Variants in STAC2 observed in about 807,000 individuals in gnomAD.
STAC2 encodes SH3 and cysteine-rich domain-containing protein 2.
STAC2 carries 36 observed loss-of-function variants against 49.0 expected under a neutral mutation model. The observed-to-expected ratio is 0.74, with a 90% CI of 0.56 to 0.97. STAC2 has a LOEUF of 0.97. Ranked by LOEUF, STAC2 falls within the 50% of genes least tolerant of loss-of-function variation. The probability of loss-of-function intolerance (pLI) is 0.00; values close to 1 mark genes in which losing one functional copy is unlikely to be tolerated. For synonymous variants in STAC2, 239 were observed against 214.7 expected (o/e 1.11, Z -0.99); for missense variants, 527 against 543.8 (o/e 0.97, Z 0.31).
intron 1 of STAC2, among the ~76,000 whole-genome samples, chr17:39,219,367 A>G (rs2046440183): frequency 6.6e-6 from 1 of 151,874 alleles, no homozygotes; most frequent in Admixed American, 6.6e-5. Context: ...TATCCTGCCA[A>G]TATGCTTCCA....
chr17:39,212,903 C>G, intron 10 of STAC2, 92 bp downstream of exon 10: 1 of 1,542,996 alleles, frequency 6.5e-7, no homozygotes, highest in Non-Finnish European at 8.7e-7. Flanking sequence ...TCAGCCTCCT[C>G]CTGCAGAGCA....
rs867305114 is a variant in STAC2, at chr17:39,211,858, G to A, written c.*434C>T. The stretch of plus-strand genomic sequence containing the variant: ...CCCACTTGCAAAGGAGCAGATGCAC[G>A]GTCACACACACATAGACCCAAGCAG... On this transcript the variant is annotated 3_prime_UTR_variant, in exon 11 of 11. Transcript: ENST00000333461. The A allele has an allele frequency of 1.0e-4, 16 of 155,188 alleles. No individual in the cohort carries two copies. The highest frequency in any genetic ancestry group is 1.6e-4 in the Non-Finnish European group (11 of 69,968). 9.6% of individuals were successfully genotyped at this position (155,188 alleles called of 1,614,324 possible).
chr17:39,216,490 T>A (rs1249277338), intron 4 of STAC2, among the ~76,000 whole-genome samples: 2 of 152,204 alleles, frequency 1.3e-5, no homozygotes, highest in African/African-American at 4.8e-5. Flanking sequence ...GTTGAAGGAA[T>A]GATGAGTGAA....
Position 39,215,192 on chromosome 17 carries a change from GCAGGGTCTCGTAGA to G in STAC2, c.611_624del (p.Val204AlafsTer19), listed in dbSNP as rs925839437. 4 of 1,613,898 alleles carry G rather than the reference GCAGGGTCTCGTAGA, an allele frequency of 2.5e-6. No homozygotes were observed. In the African/African-American group the frequency reaches 5.3e-5, roughly 22 times the overall value. ...ATCAGTGCCAGGGAGGTGCCATAGCGCAGGGTCTCGTAGACAGGGTCCACCTTCCCACTGTCCCC... is the reference window on the plus strand; with the variant it reads ...ATCAGTGCCAGGGAGGTGCCATAGCGCAGGGTCCACCTTCCCACTGTCCCC... On this transcript the variant is annotated frameshift_variant, in exon 5 of 11. Transcript: ENST00000333461. LOFTEE classifies it high-confidence loss of function.
At chr17:39,224,370 G>C (rs986347519) in intron 1 of STAC2, among the ~76,000 whole-genome samples, 1 of 152,214 alleles carries the variant, frequency 6.6e-6, no homozygotes, top group African/African-American at 2.4e-5. Flanking sequence ...GTGGCAGGGC[G>C]CGCCCTTGGC....
intron 4 of STAC2, 44 bp downstream of exon 4, chr17:39,216,766 C>T: frequency 6.6e-7 from 1 of 1,524,098 alleles, no homozygotes; most frequent in Non-Finnish European, 8.9e-7. Context: ...ATTTCTCATC[C>T]CACCACAATG....
chr17:39,225,854 C>A lies in STAC2; in HGVS notation c.-352G>T. On this transcript the variant is annotated 5_prime_UTR_variant, in exon 1 of 11. It introduces an in-frame stop codon into an upstream open reading frame of the 5' UTR. Coordinates refer to ENST00000333461, the MANE Select transcript of STAC2 (RefSeq NM_198993.5). This position sits in a 1 kb window ranked among gnomAD's most constrained non-coding sequence, Gnocchi z 8.2. Reference sequence around the variant, plus strand: ...TCCGTGTCCAGCCGGCTCCGCCGTCCGCTGCGCCCGCCCCCCATCCCCTCC... The same window carrying A: ...TCCGTGTCCAGCCGGCTCCGCCGTCAGCTGCGCCCGCCCCCCATCCCCTCC... 3.9e-6 allele frequency: 1 copy of A among 253,286 alleles called. No homozygotes were observed. The highest frequency in any genetic ancestry group is 7.6e-6 in the Non-Finnish European group (1 of 130,824). The allele number at this position is 253,286 out of a possible 1,614,324, so 15.7% of individuals were successfully genotyped here. A position where few individuals can be genotyped will look rare whatever the true frequency, so the allele number is the denominator to read the frequency against.
intron 1 of STAC2, among the ~76,000 whole-genome samples, chr17:39,224,702 G>A (rs1196406802): frequency 2.6e-5 from 4 of 152,164 alleles, no homozygotes; most frequent in African/African-American, 9.6e-5. Flanking sequence ...CTCTGGTCCC[G>A]CTCCCGTGGT....
rs376800037 is a variant in STAC2 at position 39,212,346 on chromosome 17, G to A, written c.1182C>T (p.Val394=). 3 of 1,612,312 alleles carry A rather than the reference G, an allele frequency of 1.9e-6. No individual in the cohort carries two copies. In the African/African-American group the frequency reaches 4.0e-5, roughly 22 times the overall value. Residue 394 remains valine (V), a synonymous_variant, in exon 11 of 11, where the codon GTC becomes GTT. Coordinates refer to ENST00000333461, the MANE Select transcript of STAC2 (RefSeq NM_198993.5). ...RSKDADGFIR[V]SSGKKRGLVP... ...CCAGGCCCCGCTTCTTGCCACTGCTGACGCGGATGAAGCCGTCAGCATCCT... is the reference window on the plus strand; with the variant it reads ...CCAGGCCCCGCTTCTTGCCACTGCTAACGCGGATGAAGCCGTCAGCATCCT...
At chr17:39,212,896 G>A in intron 10 of STAC2, 99 bp downstream of exon 10, 1 of 1,526,832 alleles carries the variant, frequency 6.5e-7, no homozygotes, top group Non-Finnish European at 8.8e-7. Flanking sequence ...GCCAAGATCA[G>A]CCTCCTCCTG....
chr17:39,223,991 GC>G (rs1476276537), intron 1 of STAC2, among the ~76,000 whole-genome samples: 1 of 152,164 alleles, frequency 6.6e-6, no homozygotes, highest in Non-Finnish European at 1.5e-5. Flanking sequence ...TTAGAAGGGG[GC>G]AAGAGAGAGT....
intron 1 of STAC2, among the ~76,000 whole-genome samples, chr17:39,219,451 A>G (rs1303115489): frequency 6.6e-6 from 1 of 152,046 alleles, no homozygotes; most frequent in Non-Finnish European, 1.5e-5. Flanking sequence ...TCTGGTGTCC[A>G]CTGCATCCAG....
chr17:39,219,780 C>T (rs1326321527), intron 1 of STAC2, among the ~76,000 whole-genome samples: 5 of 152,212 alleles, frequency 3.3e-5, no homozygotes, highest in African/African-American at 7.2e-5. Context: ...GAGCCTTGGC[C>T]GTCTCCCTTC....
At position 39,225,507 on chromosome 17, in the gene STAC2, C is replaced by A; in HGVS notation, c.-5G>T. 1 of 1,610,190 alleles carries A rather than the reference C, an allele frequency of 6.2e-7. No homozygotes were observed. The highest frequency in any genetic ancestry group is 1.3e-5 in the African/African-American group (1 of 74,504). On this transcript the variant is annotated 5_prime_UTR_variant, in exon 1 of 11. Transcript: ENST00000333461. The surrounding 1 kb of genome is among the most constrained non-coding windows in gnomAD (Gnocchi z 8.2). ...CTTCTCGCTCATCTCGGTCATGGTT[C>A]GGGGAGAGGGGAGGAGAGGGTGCCG...
At position 39,211,744 on chromosome 17, in the gene STAC2, G is replaced by C. The variant is rs1489644939; in HGVS notation, c.*548C>G. On this transcript the variant is annotated 3_prime_UTR_variant, in exon 11 of 11. Coordinates refer to ENST00000333461, the MANE Select transcript of STAC2 (RefSeq NM_198993.5). ...ACGGAATGACAGAGGTGGAGACCAGGAGGTGGACTCAGGACCTTCCTATGG... is the reference window on the plus strand; with the variant it reads ...ACGGAATGACAGAGGTGGAGACCAGCAGGTGGACTCAGGACCTTCCTATGG... The C allele has an allele frequency of 6.5e-6, 1 of 152,736 alleles. No homozygotes were observed. Among genetic ancestry groups the C allele is most frequent in the Non-Finnish European group, 1.5e-5 (1 of 68,092 alleles). The allele number at this position is 152,736 out of a possible 1,614,324, so 9.5% of individuals were successfully genotyped here.
In STAC2 at chr17:39,210,953, G is replaced by T. The variant is rs521397; in HGVS notation, c.*1339C>A. The T allele has an allele frequency of 0.064, 9,712 of 152,506 alleles. 331 individuals carry two copies. Among genetic ancestry groups the T allele is most frequent in the Non-Finnish European group, 0.075 (5,143 of 68,160 alleles). 9.4% of individuals were successfully genotyped at this position (152,506 alleles called of 1,614,324 possible). ...CAAAACAGAACATTCCACCTTCCTT[G>T]TCTGTCTTCCACCCCCTCTTTTTCC... On this transcript the variant is annotated 3_prime_UTR_variant, in exon 11 of 11. Coordinates refer to ENST00000333461, the MANE Select transcript of STAC2 (RefSeq NM_198993.5).
At chr17:39,218,711 A>G (rs1300585742) in intron 1 of STAC2, among the ~76,000 whole-genome samples, 1 of 151,832 alleles carries the variant, frequency 6.6e-6, no homozygotes, top group African/African-American at 2.4e-5. Context: ...TTATGGCTAC[A>G]AAGTATTTTG....
chr17:39,213,642 C>T (rs2046374676), intron 8 of STAC2, 84 bp from the exon 9 acceptor site: 1 of 1,105,566 alleles, frequency 9.0e-7, no homozygotes, highest in African/African-American at 1.6e-5. Context: ...ACCTGGGGGA[C>T]ACTGCAGTCC....
At chr17:39,219,897 C>T (rs1361034687) in intron 1 of STAC2, among the ~76,000 whole-genome samples, 1 of 152,244 alleles carries the variant, frequency 6.6e-6, no homozygotes, top group East Asian at 1.9e-4. Flanking sequence ...TCCCAGCTGG[C>T]ACGCTGGGTA....
Sources: allele counts gnomAD v4.1 joint callset (sites outside exome capture counted in the v4.1 genomes callset), GRCh38; gene constraint gnomAD v4.1.1; non-coding constraint Gnocchi (gnomAD v3.1); transcripts MANE v1.5; gene names NCBI Gene and HGNC (gene_info 2026-07-23, HGNC 2026-07-21).